Variants in CFAP69 observed in about 807,000 individuals in gnomAD.
CFAP69 encodes the protein cilia- and flagella-associated protein 69.
CFAP69 carries 92 observed loss-of-function variants against 123.0 expected under a neutral mutation model. That is an observed-to-expected ratio of 0.75 (90% CI 0.63 to 0.89). CFAP69 has a LOEUF of 0.89. Ranked by LOEUF, CFAP69 falls within the 40% of genes least tolerant of loss-of-function variation. The probability of loss-of-function intolerance (pLI) is 0.00; values close to 1 mark genes in which losing one functional copy is unlikely to be tolerated. For synonymous variants in CFAP69, 380 were observed against 364.3 expected (o/e 1.04, Z -0.49); for missense variants, 1,067 against 1,096.9 (o/e 0.97, Z 0.39).
At chr7:90,288,009 G>A (rs942737021) in intron 14 of CFAP69, among the ~76,000 whole-genome samples, 1 of 152,028 alleles carries the variant, frequency 6.6e-6, no homozygotes, top group Non-Finnish European at 1.5e-5. Context: ...AAGCTGGCAT[G>A]TTGATTGATG....
rs28947509 is a variant in CFAP69 at position 90,299,581 on chromosome 7, T to C, written c.1858-286T>C. ...CTTAAAATGAACATCTTCACTTATT[T>C]GTGCAAATCTTTTTCCAACTCAGCC... On this transcript the variant is annotated intron_variant, in intron 16 of 22. Coordinates refer to ENST00000389297, the MANE Select transcript of CFAP69 (RefSeq NM_001039706.3). Among the ~76,000 whole-genome samples, 27 of 152,268 alleles carry C rather than the reference T, an allele frequency of 1.8e-4. No homozygotes were observed. In the East Asian group the frequency reaches 5.0e-3, roughly 28 times the overall value.
At position 90,282,959 on chromosome 7, in the gene CFAP69, G is replaced by A; in HGVS notation, c.1440G>A (p.Met480Ile). The A allele has an allele frequency of 6.2e-7, 1 of 1,600,948 alleles. No homozygotes were observed. ...GCCGAGGCAACAAGTTTGCCCAGAT[G>A]CGTTACAGTTTAAGACTCCTGAGAG... ...TGGRGNKFAQ[M>I]RYSLRLLRAV... Residue 480 changes from methionine (M) to isoleucine (I), a missense_variant, in exon 13 of 23, where the codon ATG becomes ATA. Met to Ile is a conservative substitution (Grantham distance 10). Coordinates refer to ENST00000389297, the MANE Select transcript of CFAP69 (RefSeq NM_001039706.3).
At chr7:90,284,579 A>G (rs1041813478) in intron 13 of CFAP69, among the ~76,000 whole-genome samples, 1 of 152,218 alleles carries the variant, frequency 6.6e-6, no homozygotes, top group Non-Finnish European at 1.5e-5. Flanking sequence ...CACGTCATCA[A>G]TTAGACACTT....
At chr7:90,282,340 C>A (rs1276768064) in intron 12 of CFAP69, among the ~76,000 whole-genome samples, 1 of 152,102 alleles carries the variant, frequency 6.6e-6, no homozygotes, top group Non-Finnish European at 1.5e-5. Context: ...CAGAGCAAGA[C>A]CCTGTCTCTT....
chr7:90,276,952 A>G (rs1226866684), intron 9 of CFAP69, 121 bp from the exon 10 acceptor site: 1 of 678,162 alleles, frequency 1.5e-6, no homozygotes, highest in African/African-American at 1.9e-5. Context: ...TGCTTTATGA[A>G]TTCAAATGAA....
chr7:90,269,591 A>G (rs1305029030), intron 6 of CFAP69, among the ~76,000 whole-genome samples: 1 of 152,160 alleles, frequency 6.6e-6, no homozygotes, highest in African/African-American at 2.4e-5. Context: ...AGTTAATGTG[A>G]CACTTGAAAA....
intron 4 of CFAP69, among the ~76,000 whole-genome samples, chr7:90,264,105 ATATATATATATATATATATATATATATAT>A (rs1310123601): frequency 1.4e-5 from 1 of 71,426 alleles, no homozygotes; most frequent in South Asian, 5.2e-4. Flanking sequence ...AAAAAAAAAA[ATATATATATATATATATATATATATATAT>A]ATATATATAT....
intron 1 of CFAP69, among the ~76,000 whole-genome samples, chr7:90,255,164 T>C (rs989546009): frequency 1.3e-5 from 2 of 152,238 alleles, no homozygotes; most frequent in African/African-American, 4.8e-5. Context: ...ATTCTAAATA[T>C]TTTCTTGGGC....
rs1794178856 is a variant in CFAP69, at chr7:90,310,248, G to C, written c.*10G>C. The C allele has an allele frequency of 2.5e-6, 4 of 1,578,036 alleles. No homozygotes were observed. Among genetic ancestry groups the C allele is most frequent in the South Asian group, 2.4e-5 (2 of 83,886 alleles). The stretch of plus-strand genomic sequence containing the variant: ...GAGTATTCCTACGTAATATACTATA[G>C]AGACTTTTTGAAATAAAGTCAGCTT... On this transcript the variant is annotated 3_prime_UTR_variant, in exon 23 of 23. Transcript: ENST00000389297.
At chr7:90,318,667 C>T in the CFAP69 span, 1 of 151,778 alleles carries the variant, frequency 6.6e-6, no homozygotes. Flanking sequence ...AAAACAAAGA[C>T]ACTTTAAAAA....
chr7:90,316,019 G>A (rs762431359), downstream of CFAP69, among the ~76,000 whole-genome samples: 5 of 152,234 alleles, frequency 3.3e-5, no homozygotes, highest in African/African-American at 7.2e-5. Context: ...ACTTGAACCC[G>A]GGAGGCGGAG....
the CFAP69 span, among the ~76,000 whole-genome samples, chr7:90,321,566 A>C: frequency 6.6e-6 from 1 of 152,162 alleles, no homozygotes; most frequent in South Asian, 2.1e-4. Context: ...AGCTGAGAAG[A>C]TCCATCTCGG....
At chr7:90,259,319 G>A (rs569551617) in intron 3 of CFAP69, among the ~76,000 whole-genome samples, 1 of 152,104 alleles carries the variant, frequency 6.6e-6, no homozygotes, top group Non-Finnish European at 1.5e-5. Context: ...TAAGACAGGA[G>A]GATTGCTGAA....
At chr7:90,319,362 T>C in the CFAP69 span, 1 of 398,610 alleles carries the variant, frequency 2.5e-6, no homozygotes, top group East Asian at 3.6e-5. Context: ...AATTACCTCC[T>C]GTTATTTTCT....
intron 19 of CFAP69, 98 bp downstream of exon 19, chr7:90,304,918 A>C (rs1290487625): frequency 6.8e-6 from 6 of 882,412 alleles, no homozygotes; most frequent in Admixed American, 5.5e-5. Context: ...AATCATCTAC[A>C]TACTGTATAG....
chr7:90,300,655 C>A, intron 17 of CFAP69: 1 of 122,868 alleles, frequency 8.1e-6, no homozygotes, highest in African/African-American at 3.7e-5. Flanking sequence ...TTTTTTTTTT[C>A]TTTTTTTTTT....
chr7:90,318,720 T>C, the CFAP69 span: 1 of 152,074 alleles, frequency 6.6e-6, no homozygotes, highest in African/African-American at 2.4e-5. Context: ...CTGAAAATAT[T>C]GGAATAATTC....
chr7:90,299,766 G>A (rs1335067430), intron 16 of CFAP69, 101 bp from the exon 17 acceptor site: 1 of 975,376 alleles, frequency 1.0e-6, no homozygotes, highest in Non-Finnish European at 1.5e-6. Flanking sequence ...GAGTTTAGAA[G>A]AAACTTAATG....
chr7:90,246,910 T>C (rs1020167091), intron 1 of CFAP69, among the ~76,000 whole-genome samples: 1 of 152,126 alleles, frequency 6.6e-6, no homozygotes, highest in African/African-American at 2.4e-5. Context: ...TGTGTATATG[T>C]GTGTGCATTT....
Sources: gnomAD v4.1 joint callset for allele counts (sites outside exome capture counted in the v4.1 genomes callset) on GRCh38, gnomAD v4.1.1 for gene constraint, MANE v1.5 for transcripts, NCBI Gene and HGNC (gene_info 2026-07-23, HGNC 2026-07-21) for gene names.